PTK2: variants seen among roughly 807,000 people sequenced by gnomAD.
The protein encoded by PTK2 is focal adhesion kinase 1.
In PTK2, 45 loss-of-function variants were observed where a neutral mutation model predicts 150.1. The ratio of observed to expected loss-of-function variants is 0.30; its 90% CI spans 0.24 to 0.38. The LOEUF (loss-of-function observed/expected upper bound fraction) is 0.38. PTK2 is among the 10% of genes least tolerant of loss of function. The pLI is 1.00. For missense variants in PTK2, 919 were observed against 1,307.3 expected (o/e 0.70, Z 4.58); for synonymous variants, 432 against 449.2 (o/e 0.96, Z 0.48).
At chr8:140,841,783 A>C (rs2100122514) in intron 7 of PTK2, among the ~76,000 whole-genome samples, 1 of 152,056 alleles carries the variant, frequency 6.6e-6, no homozygotes, top group East Asian at 1.9e-4. Flanking sequence ...AATTTACAAA[A>C]AAAACTTAAA....
chr8:140,899,426 T>C (rs1041021234), intron 2 of PTK2, among the ~76,000 whole-genome samples: 1 of 152,188 alleles, frequency 6.6e-6, no homozygotes, highest in Non-Finnish European at 1.5e-5. Flanking sequence ...AATAAATTGA[T>C]AAATTCTTGG....
At chr8:140,764,476 C>A in intron 14 of PTK2, 186 bp from the exon 17 acceptor site, 1 of 588,924 alleles carries the variant, frequency 1.7e-6, no homozygotes, top group South Asian at 2.2e-5. Flanking sequence ...CATCATTGTC[C>A]AATACGTTAT....
At chr8:140,685,218 C>T (rs2153686903) in intron 27 of PTK2, among the ~76,000 whole-genome samples, 1 of 152,292 alleles carries the variant, frequency 6.6e-6, no homozygotes, top group South Asian at 2.1e-4. Flanking sequence ...TGGGACCCTT[C>T]CTTACACCAT....
intron 8 of PTK2, among the ~76,000 whole-genome samples, chr8:140,828,717 G>C (rs1172935145): frequency 6.6e-6 from 1 of 152,136 alleles, no homozygotes; most frequent in African/African-American, 2.4e-5. Context: ...GCAGCACCCA[G>C]CAGGTTTACA....
chr8:140,710,906 C>A (rs1221633576), intron 23 of PTK2, among the ~76,000 whole-genome samples: 1 of 152,154 alleles, frequency 6.6e-6, no homozygotes, highest in Non-Finnish European at 1.5e-5. Context: ...GAAGGACAGG[C>A]CTGAACAGCA....
chr8:140,959,538 CAAAA>C (rs34010616), intron 1 of PTK2, among the ~76,000 whole-genome samples: 2 of 85,054 alleles, frequency 2.4e-5, no homozygotes, highest in Non-Finnish European at 4.4e-5. Context: ...GACTCTGTCT[CAAAA>C]AAAAAAAAAA....
chr8:140,833,100 AG>A (rs1191754387), intron 7 of PTK2: 1 of 518,070 alleles, frequency 1.9e-6, no homozygotes, highest in African/African-American at 1.9e-5. Flanking sequence ...GAAAAATGAA[AG>A]GAAGCATATG....
intron 16 of PTK2, among the ~76,000 whole-genome samples, chr8:140,756,524 C>A (rs1481093166): frequency 6.6e-6 from 1 of 151,040 alleles, no homozygotes; most frequent in Non-Finnish European, 1.5e-5. Context: ...GTGAAGAAAC[C>A]CCATCTCTAC....
At chr8:140,876,205 C>T (rs1021778866) in intron 4 of PTK2, among the ~76,000 whole-genome samples, 3 of 152,084 alleles carry the variant, frequency 2.0e-5, no homozygotes, top group African/African-American at 7.2e-5. Context: ...TTCCATCTTG[C>T]ATCCGAGACC....
intron 16 of PTK2, among the ~76,000 whole-genome samples, chr8:140,758,168 TGCA>T (rs1004384307): frequency 1.1e-4 from 16 of 152,156 alleles, no homozygotes; most frequent in African/African-American, 3.6e-4. Context: ...CAAGACTTAT[TGCA>T]GCCTTGACCT....
intron 2 of PTK2, among the ~76,000 whole-genome samples, chr8:140,914,409 C>G (rs571088262): frequency 1.5e-5 from 2 of 131,282 alleles, no homozygotes; most frequent in African/African-American, 5.1e-5. Context: ...CTTAAAGAAC[C>G]AAGTTTTGGG....
At chr8:140,955,167 T>C (rs536071636) in intron 1 of PTK2, among the ~76,000 whole-genome samples, 1 of 152,324 alleles carries the variant, frequency 6.6e-6, no homozygotes, top group East Asian at 1.9e-4. Flanking sequence ...AAGACACAGA[T>C]ATGGTTTGGC....
In PTK2 at chr8:140,803,537, C is replaced by T; in HGVS notation, c.975+6G>A. The T allele has an allele frequency of 6.3e-7, 1 of 1,598,834 alleles. No individual in the cohort carries two copies. Among genetic ancestry groups the T allele is most frequent in the South Asian group, 1.1e-5 (1 of 90,718 alleles). On this transcript the variant is annotated splice_donor_region_variant and intron_variant, in intron 11 of 31. Transcript: ENST00000522684. The stretch of plus-strand genomic sequence containing the variant: ...TCCCTTAATGATGAACGTAACAGTT[C>T]CTTACCTCGGGTGCACCTGCTATTT...
At chr8:140,756,650 C>G (rs1296252291) in intron 16 of PTK2, among the ~76,000 whole-genome samples, 1 of 139,368 alleles carries the variant, frequency 7.2e-6, no homozygotes, top group Non-Finnish European at 1.5e-5. Context: ...GAGATTGCAC[C>G]ATTGCACTCC....
At chr8:140,714,770 C>T (rs1719470008) in intron 23 of PTK2, among the ~76,000 whole-genome samples, 1 of 120,790 alleles carries the variant, frequency 8.3e-6, no homozygotes. Flanking sequence ...GCACTCCAGC[C>T]CGGGCAATAG....
rs1456946548 is a variant in PTK2, at chr8:140,718,027, G to C, written c.2031-318C>G. On this transcript the variant is annotated intron_variant, in intron 22 of 31. Transcript: ENST00000522684. ...TGCATGCCAAAGTTTATCTTGAGCA[G>C]AACAGAATTCCTCTGAGAAATCCCA... 3 of 274,380 alleles carry C rather than the reference G, an allele frequency of 1.1e-5. No homozygotes were observed. In the Admixed American group the frequency reaches 1.3e-4, roughly 12 times the overall value. The allele number at this position is 274,380 out of a possible 1,614,324, so 17.0% of individuals were successfully genotyped here. A position where few individuals can be genotyped will look rare whatever the true frequency, so the allele number is the denominator to read the frequency against.
At chr8:140,873,917 C>G (rs1054109584) in intron 4 of PTK2, among the ~76,000 whole-genome samples, 1 of 152,172 alleles carries the variant, frequency 6.6e-6, no homozygotes, top group Non-Finnish European at 1.5e-5. Flanking sequence ...AATTTGCCAG[C>G]CTTTCTTTTT....
At chr8:140,838,203 C>G (rs572653014) in intron 7 of PTK2, among the ~76,000 whole-genome samples, 1 of 152,226 alleles carries the variant, frequency 6.6e-6, no homozygotes, top group South Asian at 2.1e-4. Flanking sequence ...AAAAAGAGAA[C>G]CATGAAATGA....
At chr8:140,829,239 AT>A (rs1460956854) in intron 8 of PTK2, among the ~76,000 whole-genome samples, 2 of 152,006 alleles carry the variant, frequency 1.3e-5, no homozygotes, top group Non-Finnish European at 2.9e-5. Context: ...CTTTATATCT[AT>A]TTTTCCCATT....
Sources: gnomAD v4.1 joint callset for allele counts (sites outside exome capture counted in the v4.1 genomes callset) on GRCh38, gnomAD v4.1.1 for gene constraint, MANE v1.5 for transcripts, NCBI Gene and HGNC (gene_info 2026-07-23, HGNC 2026-07-21) for gene names.